The following POGLUT2 variants were observed in gnomAD, a reference collection of about 807,000 sequenced individuals.
POGLUT2 encodes protein O-glucosyltransferase 2, also known as ER protein 58.
POGLUT2 carries 47 observed loss-of-function variants against 57.6 expected under a neutral mutation model. The ratio of observed to expected loss-of-function variants is 0.82; its 90% CI spans 0.65 to 1.04. The LOEUF is 1.04. POGLUT2 is among the 50% of genes least tolerant of loss of function. The pLI is 0.00. For synonymous variants in POGLUT2, 200 were observed against 218.8 expected (o/e 0.91, Z 0.76); for missense variants, 565 against 614.8 (o/e 0.92, Z 0.86).
chr13:102,789,080 T>A lies in POGLUT2; in HGVS notation c.1225A>T (p.Ile409Phe). ...TCGCTCAGGTTGCTCTTAACTGGAA[T>A]GTAGTGTTTCCAGGGCTGCAGCTCA... ...YNELQPWKHYIPVKSNLSDLL... is the reference protein window; with the variant it reads ...YNELQPWKHYFPVKSNLSDLL... The change falls in exon 7 of 10, where the codon ATT becomes TTT. Residue 409 changes from isoleucine (I) to phenylalanine (F), a missense_variant. Transcript: ENST00000376004. 1 of 1,614,192 alleles carries A rather than the reference T, an allele frequency of 6.2e-7. No individual in the cohort carries two copies. The highest frequency in any genetic ancestry group is 8.5e-7 in the Non-Finnish European group (1 of 1,180,004).
chr13:102,788,469 T>TTTG (rs753434224), intron 7 of POGLUT2, among the ~76,000 whole-genome samples: 4 of 152,014 alleles, frequency 2.6e-5, no homozygotes, highest in African/African-American at 7.3e-5. Flanking sequence ...AGTTTAGCTT[T>TTTG]TTGTTGTTGT....
At chr13:102,786,436 T>A (rs1595305347) in intron 8 of POGLUT2, 97 bp from the exon 9 acceptor site, 1 of 807,326 alleles carries the variant, frequency 1.2e-6, no homozygotes, top group East Asian at 2.4e-5. Context: ...TTCATTTAAC[T>A]CATGTGTGTC....
At chr13:102,795,129 G>A (rs1277055369) in intron 2 of POGLUT2, among the ~76,000 whole-genome samples, 4 of 151,288 alleles carry the variant, frequency 2.6e-5, no homozygotes, top group Non-Finnish European at 5.9e-5. Flanking sequence ...GCGCGTCCCT[G>A]TAGTCTCAGC....
chr13:102,796,309 A>AAAAATAAAT (rs1555319540), intron 2 of POGLUT2, among the ~76,000 whole-genome samples: 9 of 126,006 alleles, frequency 7.1e-5, no homozygotes, highest in South Asian at 5.0e-4. Flanking sequence ...AAAAAAAAAA[A>AAAAATAAAT]AAATAAATAA....
chr13:102,791,414 A>G lies in POGLUT2; in HGVS notation c.689T>C (p.Val230Ala). 3 of 1,591,880 alleles carry G rather than the reference A, an allele frequency of 1.9e-6. No homozygotes were observed. Among genetic ancestry groups the G allele is most frequent in the Non-Finnish European group, 2.6e-6 (3 of 1,173,914 alleles). ...GTCTCCCAAATTAACAAAGAGCTCC[A>G]CATCTGGCATCTTCACCTAGAAAAA... ...SLTRKVKMPD[V>A]ELFVNLGDWP... Residue 230 changes from valine (V) to alanine (A), a missense_variant, in exon 5 of 10, where the codon GTG becomes GCG. Coordinates refer to ENST00000376004, the MANE Select transcript of POGLUT2 (RefSeq NM_024089.3).
intron 2 of POGLUT2, 76 bp downstream of exon 2, chr13:102,796,728 A>G (rs1878411814): frequency 1.9e-6 from 1 of 526,642 alleles, no homozygotes. Context: ...ATATCATGCC[A>G]AGTTGTTTTT....
At chr13:102,786,584 CT>C (rs36017149) in intron 8 of POGLUT2, among the ~76,000 whole-genome samples, 1 of 149,758 alleles carries the variant, frequency 6.7e-6, no homozygotes, top group African/African-American at 2.5e-5. Flanking sequence ...ATTTCCATGA[CT>C]TTTTTTTTTA....
At chr13:102,797,932 A>G (rs1051421194) in intron 1 of POGLUT2, among the ~76,000 whole-genome samples, 9 of 152,368 alleles carry the variant, frequency 5.9e-5, no homozygotes, top group African/African-American at 2.2e-4. Context: ...AAGTATAGGA[A>G]TTATAAAAAT....
chr13:102,791,513 C>T, intron 4 of POGLUT2, 83 bp from the exon 5 acceptor site: 1 of 1,306,388 alleles, frequency 7.7e-7, no homozygotes, highest in Non-Finnish European at 1.0e-6. Flanking sequence ...TTTGAAATTG[C>T]ATTAATGAAA....
chr13:102,796,958 T>C lies in POGLUT2; in HGVS notation c.234A>G (p.Pro78=), dbSNP rs769827942. The C allele has an allele frequency of 1.2e-5, 19 of 1,613,754 alleles. 1 individual carries two copies. Among genetic ancestry groups the C allele is most frequent in the Admixed American group, 8.3e-5 (5 of 59,986 alleles). Residue 78 remains proline, a synonymous_variant, in exon 2 of 10, where the codon CCA becomes CCG. Transcript: ENST00000376004. ...CTCCAACTCTAGTGAATTGCTCCTCTGGTGCTGAGACTTTCACCTGGAAGA... is the reference window on the plus strand; with the variant it reads ...CTCCAACTCTAGTGAATTGCTCCTCCGGTGCTGAGACTTTCACCTGGAAGA... ...EKVFQVKVSA[P]EEQFTRVGVQ... is the part of the protein sequence containing the mutation.
At chr13:102,786,418 G>T (rs1432007624) in intron 8 of POGLUT2, 79 bp from the exon 9 acceptor site, 2 of 909,336 alleles carry the variant, frequency 2.2e-6, no homozygotes, top group Admixed American at 3.5e-5. Context: ...AATATATGAA[G>T]ACTATGATTC....
Position 102,796,911 on chromosome 13 carries a change from T to A in POGLUT2, c.281A>T (p.Asp94Val), listed in dbSNP as rs1878419964. The A allele has an allele frequency of 1.9e-6, 3 of 1,612,078 alleles. No homozygotes were observed. Among genetic ancestry groups the A allele is most frequent in the Non-Finnish European group, 2.5e-6 (3 of 1,178,162 alleles). Reference sequence around the variant, plus strand: ...TCTGTATCTTACTATGAAGGACCCATCTTTTCGGTCTAAAACCTGGACTCC... The same window carrying A: ...TCTGTATCTTACTATGAAGGACCCAACTTTTCGGTCTAAAACCTGGACTCC... ...RVGVQVLDRKDGSFIVRYRMY... is the reference protein window; with the variant it reads ...RVGVQVLDRKVGSFIVRYRMY... Residue 94 changes from aspartate to valine, a missense_variant, in exon 2 of 10, where the codon GAT (aspartate) becomes GTT (valine). Asp to Val is a radical substitution (Grantham distance 152, BLOSUM62 -3). Transcript: ENST00000376004.
chr13:102,797,598 C>T (rs76691546), intron 1 of POGLUT2, among the ~76,000 whole-genome samples: 10,194 of 151,872 alleles, frequency 0.067, 496 homozygotes, highest in African/African-American at 0.13. Context: ...AACAAATAGC[C>T]AGGCGAGGTG....
At chr13:102,796,099 A>C (rs978177210) in intron 2 of POGLUT2, among the ~76,000 whole-genome samples, 1 of 151,900 alleles carries the variant, frequency 6.6e-6, no homozygotes, top group African/African-American at 2.4e-5. Context: ...GATCGAAACC[A>C]TCCTGGTCAA....
intron 2 of POGLUT2, among the ~76,000 whole-genome samples, chr13:102,794,616 G>C (rs1469275832): frequency 6.6e-6 from 1 of 152,224 alleles, no homozygotes; most frequent in African/African-American, 2.4e-5. Flanking sequence ...AGTGAGCGGA[G>C]ATTGTGCCAC....
Position 102,793,502 on chromosome 13 carries a change from C to T in POGLUT2, c.595-84G>A, listed in dbSNP as rs958328275. On this transcript the variant is annotated intron_variant, in intron 3 of 9. Transcript: ENST00000376004. ...GGAAAAGCTTGTCACAGTGCTCATT[C>T]GAATGATGTTTATAAAATGATTTAG... is the stretch of plus-strand genomic sequence containing the variant. The T allele has an allele frequency of 3.3e-5, 43 of 1,323,044 alleles. No individual in the cohort carries two copies. The East Asian group carries it at 4.8e-4, about 15-fold the overall frequency. 82.0% of individuals were successfully genotyped at this position (1,323,044 alleles called of 1,614,324 possible).
At position 102,786,352 on chromosome 13, in the gene POGLUT2, C is replaced by T. The variant is rs1197893904; in HGVS notation, c.1384-13G>A. On this transcript the variant is annotated splice_polypyrimidine_tract_variant and intron_variant, in intron 8 of 9. Transcript: ENST00000376004. ...AATTGGCATATTCCTGTTTAAGCAA[C>T]AATATAAAAGCATTCCTTATAAAAC... 2 of 1,537,204 alleles carry T rather than the reference C, an allele frequency of 1.3e-6. No individual in the cohort carries two copies. Among genetic ancestry groups the T allele is most frequent in the Non-Finnish European group, 1.8e-6 (2 of 1,109,942 alleles).
chr13:102,797,828 C>T (rs982953064), intron 1 of POGLUT2, among the ~76,000 whole-genome samples: 6 of 151,970 alleles, frequency 3.9e-5, no homozygotes, highest in African/African-American at 1.4e-4. Context: ...AATTTACAAC[C>T]TGCCTTTTAC....
intron 7 of POGLUT2, among the ~76,000 whole-genome samples, chr13:102,788,683 A>T (rs1313115431): frequency 6.6e-5 from 10 of 152,088 alleles, no homozygotes; most frequent in Non-Finnish European, 1.3e-4. Flanking sequence ...ATGGGGTTTG[A>T]CCATGTTAGC....
Sources: gnomAD v4.1 joint callset for allele counts (sites outside exome capture counted in the v4.1 genomes callset) on GRCh38, gnomAD v4.1.1 for gene constraint, MANE v1.5 for transcripts, NCBI Gene and HGNC (gene_info 2026-07-23, HGNC 2026-07-21) for gene names.